CPA6: variants seen among roughly 807,000 people sequenced by gnomAD.
The protein encoded by CPA6 is carboxypeptidase B.
In CPA6, 58 loss-of-function variants were observed where a neutral mutation model predicts 63.3. The ratio of observed to expected loss-of-function variants is 0.92; its 90% CI spans 0.74 to 1.14. CPA6 has a LOEUF of 1.14. CPA6 is among the 50% of genes most tolerant of loss of function. CPA6 has a pLI of 0.00. For missense variants in CPA6, 565 were observed against 526.6 expected (o/e 1.07, Z -0.71); for synonymous variants, 185 against 179.0 (o/e 1.03, Z -0.27).
intron 2 of CPA6, among the ~76,000 whole-genome samples, chr8:67,607,467 C>CTT (rs1219141971): frequency 6.6e-6 from 1 of 151,758 alleles, no homozygotes. Flanking sequence ...CATCTTTAGT[C>CTT]TTTTTTTGTG....
chr8:67,567,461 T>C (rs1353055608), intron 2 of CPA6, among the ~76,000 whole-genome samples: 3 of 152,244 alleles, frequency 2.0e-5, no homozygotes, highest in Non-Finnish European at 4.4e-5. Flanking sequence ...CATCAAAACA[T>C]TGCTTTCTTC....
chr8:67,481,176 A>G (rs1811353172), intron 8 of CPA6, among the ~76,000 whole-genome samples: 1 of 152,236 alleles, frequency 6.6e-6, no homozygotes, highest in Non-Finnish European at 1.5e-5. Context: ...AAGTATGGAT[A>G]TTATCCAAAC....
intron 2 of CPA6, among the ~76,000 whole-genome samples, chr8:67,547,155 T>G (rs984891071): frequency 6.6e-6 from 1 of 151,842 alleles, no homozygotes; most frequent in Non-Finnish European, 1.5e-5. Context: ...CATGCCATTC[T>G]CCTGCCTCAG....
chr8:67,584,932 A>C (rs183036317), intron 2 of CPA6, among the ~76,000 whole-genome samples: 135 of 152,332 alleles, frequency 8.9e-4, no homozygotes, highest in African/African-American at 3.0e-3. Context: ...ATCTGCTTGG[A>C]CATACCATTA....
chr8:67,559,325 C>G (rs1325831107), intron 2 of CPA6, among the ~76,000 whole-genome samples: 1 of 152,190 alleles, frequency 6.6e-6, no homozygotes, highest in Non-Finnish European at 1.5e-5. Context: ...ATACTTCTAC[C>G]AATGAAAGCA....
intron 1 of CPA6, among the ~76,000 whole-genome samples, chr8:67,682,344 A>G (rs2128996098): frequency 1.3e-5 from 2 of 150,830 alleles, no homozygotes; most frequent in East Asian, 3.9e-4. Context: ...TAAGTTTTCC[A>G]TTTTTACAAC....
chr8:67,590,667 T>C (rs1814094919), intron 2 of CPA6, among the ~76,000 whole-genome samples: 1 of 152,122 alleles, frequency 6.6e-6, no homozygotes, highest in East Asian at 1.9e-4. Flanking sequence ...TCATGTGTCT[T>C]TTGGCTGCAT....
At position 67,617,393 on chromosome 8, in the gene CPA6, T is replaced by C. The variant is rs532372143; in HGVS notation, c.192+6783A>G. 2.0e-5 allele frequency among the ~76,000 whole-genome samples: 3 copies of C among 152,352 alleles called. No homozygotes were observed. In the South Asian group the frequency reaches 6.2e-4, roughly 32 times the overall value. On this transcript the variant is annotated intron_variant, in intron 2 of 10. Coordinates refer to ENST00000297770, the MANE Select transcript of CPA6 (RefSeq NM_020361.5). Reference sequence around the variant, plus strand: ...GACTGCAGTTGGACATCTGCCTGGATAATAAGCAGCTTTTTCTCTCTTTCA... The same window carrying C: ...GACTGCAGTTGGACATCTGCCTGGACAATAAGCAGCTTTTTCTCTCTTTCA...
intron 2 of CPA6, among the ~76,000 whole-genome samples, chr8:67,556,702 C>T (rs1332343974): frequency 2.0e-5 from 3 of 152,212 alleles, no homozygotes; most frequent in East Asian, 1.9e-4. Context: ...AGTTAGAGCT[C>T]GGCTCCCAAA....
At position 67,714,709 on chromosome 8, in the gene CPA6, C is replaced by T. The variant is rs945669210; in HGVS notation, c.116+31305G>A. 4.6e-5 allele frequency among the ~76,000 whole-genome samples: 7 copies of T among 152,236 alleles called. No individual in the cohort carries two copies. The Middle Eastern group carries it at 0.01, about 222-fold the overall frequency. ...AATAAAGCTCAGGATTAAGTGCCTT[C>T]CTTAGCTCTCTCAGTTGTTTTATTG... On this transcript the variant is annotated intron_variant, in intron 1 of 10. Coordinates refer to ENST00000297770, the MANE Select transcript of CPA6 (RefSeq NM_020361.5).
intron 8 of CPA6, among the ~76,000 whole-genome samples, chr8:67,468,730 A>T (rs1403824161): frequency 2.0e-5 from 3 of 152,228 alleles, no homozygotes; most frequent in Non-Finnish European, 1.5e-5. Context: ...CAGTTTGAAT[A>T]ACATGGCTTC....
chr8:67,540,444 C>A (rs921298363), intron 2 of CPA6, among the ~76,000 whole-genome samples: 1 of 152,178 alleles, frequency 6.6e-6, no homozygotes, highest in African/African-American at 2.4e-5. Flanking sequence ...GTCTGTCAAA[C>A]CCTGCTGGGA....
intron 1 of CPA6, among the ~76,000 whole-genome samples, chr8:67,654,984 C>G (rs938749212): frequency 3.3e-5 from 5 of 152,092 alleles, no homozygotes; most frequent in Non-Finnish European, 7.4e-5. Context: ...GATAATGCTG[C>G]CCCTTCATTA....
intron 2 of CPA6, among the ~76,000 whole-genome samples, chr8:67,536,069 TGTTTTGGTACCAGTACC>T (rs1248790106): frequency 7.9e-5 from 12 of 152,194 alleles, no homozygotes; most frequent in Admixed American, 2.6e-4. Context: ...TCTATATATC[TGTTTTGGTACCAGTACC>T]ATACTACTGT....
At chr8:67,607,250 T>TTCTTCTTCTTCTTCC (rs1564021543) in intron 2 of CPA6, among the ~76,000 whole-genome samples, 4 of 131,824 alleles carry the variant, frequency 3.0e-5, no homozygotes, top group Admixed American at 7.9e-5. Context: ...CTTCTTCTTC[T>TTCTTCTTCTTCTTCC]TCTCCTCCTC....
chr8:67,673,606 A>G (rs1198146463), intron 1 of CPA6, among the ~76,000 whole-genome samples: 1 of 148,228 alleles, frequency 6.7e-6, no homozygotes, highest in Non-Finnish European at 1.5e-5. Context: ...GTTAGCCAGG[A>G]TGGTCTCAAT....
intron 2 of CPA6, among the ~76,000 whole-genome samples, chr8:67,594,834 T>C (rs548802563): frequency 5.6e-4 from 86 of 152,350 alleles, no homozygotes; most frequent in African/African-American, 1.9e-3. Flanking sequence ...AATTTCCTCC[T>C]GTAGCTCAGA....
At chr8:67,453,211 G>A (rs750922386) in intron 8 of CPA6, among the ~76,000 whole-genome samples, 15 of 152,136 alleles carry the variant, frequency 9.9e-5, no homozygotes, top group Non-Finnish European at 1.8e-4. Flanking sequence ...CTTAGACTGG[G>A]ATGGTAGTAA....
intron 1 of CPA6, among the ~76,000 whole-genome samples, chr8:67,682,416 T>C (rs887105629): frequency 4.6e-5 from 7 of 152,240 alleles, no homozygotes; most frequent in African/African-American, 9.6e-5. Flanking sequence ...TCTACTTACA[T>C]GTTTACTCTT....
Sources: allele counts gnomAD v4.1 joint callset (sites outside exome capture counted in the v4.1 genomes callset), GRCh38; gene constraint gnomAD v4.1.1; transcripts MANE v1.5; gene names NCBI Gene and HGNC (gene_info 2026-07-23, HGNC 2026-07-21).